STPG2: variants seen among roughly 807,000 people sequenced by gnomAD.
The protein encoded by STPG2 is sperm-tail PG-rich repeat-containing protein 2.
Under a neutral mutation model 54.2 loss-of-function variants are expected in STPG2, and 56 were observed. That is an observed-to-expected ratio of 1.03 (90% CI 0.83 to 1.29). The LOEUF is 1.29. STPG2 is among the 50% of genes most tolerant of loss of function. STPG2 has a pLI of 0.00. For missense variants in STPG2, 596 were observed against 544.9 expected (o/e 1.09, Z -0.93); for synonymous variants, 200 against 181.8 (o/e 1.10, Z -0.81).
chr4:97,744,772 C>T (rs1160131502), intron 9 of STPG2, among the ~76,000 whole-genome samples: 1 of 151,392 alleles, frequency 6.6e-6, no homozygotes, highest in African/African-American at 2.4e-5. Context: ...TTGTCTGTCT[C>T]TCTCTATAAA....
chr4:97,611,813 T>C (rs985996264), intron 10 of STPG2, among the ~76,000 whole-genome samples: 126 of 151,914 alleles, frequency 8.3e-4, no homozygotes, highest in African/African-American at 2.9e-3. Flanking sequence ...ATAAATTTCA[T>C]ATGGATTATA....
intron 9 of STPG2, among the ~76,000 whole-genome samples, chr4:97,811,766 C>G (rs1021135012): frequency 6.6e-6 from 1 of 151,798 alleles, no homozygotes; most frequent in Non-Finnish European, 1.5e-5. Context: ...ACCTAATTGA[C>G]AGTATCTCTT....
At chr4:97,545,560 T>C (rs142764904) in intron 4 of STPG2, among the ~76,000 whole-genome samples, 3 of 152,204 alleles carry the variant, frequency 2.0e-5, no homozygotes, top group Admixed American at 2.0e-4. Context: ...TGGAAATAAG[T>C]TTCAAATCCT....
chr4:97,781,923 G>A (rs1208738113), intron 9 of STPG2, among the ~76,000 whole-genome samples: 1 of 152,150 alleles, frequency 6.6e-6, no homozygotes, highest in African/African-American at 2.4e-5. Flanking sequence ...GGTATTGATA[G>A]GCCGTATCTT....
intron 5 of STPG2, among the ~76,000 whole-genome samples, chr4:98,023,130 T>A (rs1351890025): frequency 6.6e-6 from 1 of 152,224 alleles, no homozygotes; most frequent in African/African-American, 2.4e-5. Context: ...GCTCTGTTTT[T>A]TCGCCATCTT....
At chr4:98,086,401 T>G (rs1358012177) in intron 5 of STPG2, among the ~76,000 whole-genome samples, 2 of 152,020 alleles carry the variant, frequency 1.3e-5, no homozygotes, top group African/African-American at 2.4e-5. Context: ...AAGAAAAATA[T>G]TTTTTAAAAA....
intron 8 of STPG2, among the ~76,000 whole-genome samples, chr4:97,934,500 C>A (rs989668431): frequency 6.6e-6 from 1 of 152,118 alleles, no homozygotes; most frequent in African/African-American, 2.4e-5. Flanking sequence ...TGCAGGTATG[C>A]CATAAATGGC....
chr4:97,944,289 C>T (rs1478502615), intron 7 of STPG2, among the ~76,000 whole-genome samples: 1 of 151,884 alleles, frequency 6.6e-6, no homozygotes, highest in Non-Finnish European at 1.5e-5. Context: ...TATTTCATAA[C>T]CAGCAAGTTC....
At chr4:97,490,974 T>C (rs1402279016) in intron 4 of STPG2, among the ~76,000 whole-genome samples, 1 of 151,598 alleles carries the variant, frequency 6.6e-6, no homozygotes, top group Non-Finnish European at 1.5e-5. Flanking sequence ...GCAAATGCAT[T>C]ATTTTATTCT....
chr4:97,554,363 C>T (rs115405374), downstream of STPG2, among the ~76,000 whole-genome samples: 407 of 152,246 alleles, frequency 2.7e-3, no homozygotes, highest in African/African-American at 6.8e-3. Flanking sequence ...AGGGGAGTCC[C>T]GAACCAAATT....
intron 10 of STPG2, among the ~76,000 whole-genome samples, chr4:97,616,057 A>AATATATATATATATATATATATATAT (rs70953077): frequency 2.7e-5 from 1 of 37,394 alleles, no homozygotes; most frequent in Non-Finnish European, 5.0e-5. Flanking sequence ...AATACATATA[A>AATATATATATATATATATATATATAT]ATATATATAT....
chr4:97,703,664 ATATAAAATATATATAG>A (rs1723853066), intron 10 of STPG2, among the ~76,000 whole-genome samples: 1 of 115,774 alleles, frequency 8.6e-6, no homozygotes, highest in African/African-American at 6.2e-5. Flanking sequence ...AATAAAACAT[ATATAAAATATATATAG>A]TATATATATT....
chr4:97,850,490 G>T (rs982443532), intron 8 of STPG2, among the ~76,000 whole-genome samples: 2 of 151,274 alleles, frequency 1.3e-5, no homozygotes, highest in Admixed American at 6.6e-5. Context: ...ATGTTATACA[G>T]AATTTAGCTA....
intron 5 of STPG2, among the ~76,000 whole-genome samples, chr4:98,027,329 C>A (rs1246811170): frequency 6.6e-6 from 1 of 152,154 alleles, no homozygotes; most frequent in Non-Finnish European, 1.5e-5. Context: ...GTCTAGCCCA[C>A]AAAGATTCAT....
intron 9 of STPG2, among the ~76,000 whole-genome samples, chr4:97,807,254 AT>A: frequency 6.6e-6 from 1 of 151,914 alleles, no homozygotes; most frequent in Non-Finnish European, 1.5e-5. Context: ...TTATTTACTC[AT>A]TTAAAAAGTA....
chr4:97,741,181 TC>T (rs1453375889), intron 9 of STPG2, among the ~76,000 whole-genome samples: 1 of 152,028 alleles, frequency 6.6e-6, no homozygotes, highest in Non-Finnish European at 1.5e-5. Flanking sequence ...TGAAACTGGA[TC>T]CCTTCCTTAC....
At chr4:97,983,617 G>A (rs1465680871) in intron 5 of STPG2, among the ~76,000 whole-genome samples, 1 of 152,108 alleles carries the variant, frequency 6.6e-6, no homozygotes, top group African/African-American at 2.4e-5. Context: ...CTTACTTTCT[G>A]AAATAAAATG....
chr4:97,551,423 A>G (rs1731963958), intron 4 of STPG2, among the ~76,000 whole-genome samples: 1 of 152,236 alleles, frequency 6.6e-6, no homozygotes, highest in African/African-American at 2.4e-5. Flanking sequence ...TTTGAAACTG[A>G]GTAATGTGTA....
At chr4:97,720,329 T>C (rs1724410028) in intron 9 of STPG2, among the ~76,000 whole-genome samples, 1 of 151,960 alleles carries the variant, frequency 6.6e-6, no homozygotes, top group Admixed American at 6.6e-5. Flanking sequence ...AAGTACCTGC[T>C]TTTCATCCTT....
Sources: gnomAD v4.1 joint callset for allele counts (sites outside exome capture counted in the v4.1 genomes callset) on GRCh38, gnomAD v4.1.1 for gene constraint, MANE v1.5 for transcripts, NCBI Gene and HGNC (gene_info 2026-07-23, HGNC 2026-07-21) for gene names.